Variants in ANKUB1 observed in about 807,000 individuals in gnomAD.
ANKUB1 encodes the protein ankyrin repeat and ubiquitin domain containing 1.
In ANKUB1, 42 loss-of-function variants were observed where a neutral mutation model predicts 49.3. The observed-to-expected ratio is 0.85, with a 90% CI of 0.67 to 1.10. The LOEUF is 1.10. ANKUB1 is among the 50% of genes least tolerant of loss of function. The pLI is 0.00. For missense variants in ANKUB1, 613 were observed against 642.0 expected (o/e 0.95, Z 0.49); for synonymous variants, 222 against 231.0 (o/e 0.96, Z 0.35).
At chr3:149,776,141 C>T (rs982463754) in intron 3 of ANKUB1, among the ~76,000 whole-genome samples, 11 of 152,166 alleles carry the variant, frequency 7.2e-5, no homozygotes, top group African/African-American at 2.7e-4. Context: ...CTAAGCCCAC[C>T]AAAGACCTTT....
intron 4 of ANKUB1, 145 bp from the exon 5 acceptor site, chr3:149,768,240 A>T (rs567080681): frequency 3.2e-6 from 2 of 618,104 alleles, no homozygotes; most frequent in Admixed American, 3.7e-5. Flanking sequence ...GAAAAGGCAT[A>T]TAGTGACATA....
Position 149,767,000 on chromosome 3 carries a change from T to C in ANKUB1, c.1505+157A>G, listed in dbSNP as rs1717055053. On this transcript the variant is annotated intron_variant, in intron 5 of 5. Coordinates refer to ENST00000446160, the MANE Select transcript of ANKUB1 (RefSeq NM_001144960.3). ...ATAATATTAATTCATTTTGTCCTAG[T>C]GATGAGGCTAAGATGAGGTCCTTGA... 8 of 994,818 alleles carry C rather than the reference T, an allele frequency of 8.0e-6. No homozygotes were observed. In the East Asian group the frequency reaches 1.3e-4, roughly 16 times the overall value. The allele number at this position is 994,818 out of a possible 1,614,324, so 61.6% of individuals were successfully genotyped here. A position where few individuals can be genotyped will look rare whatever the true frequency, so the allele number is the denominator to read the frequency against.
Position 149,767,561 on chromosome 3 carries a change from G to C in ANKUB1, c.1101C>G (p.Asn367Lys), listed in dbSNP as rs977953316. The C allele has an allele frequency of 2.6e-5, 40 of 1,551,568 alleles. No individual in the cohort carries two copies. The highest frequency in any genetic ancestry group is 7.8e-5 in the Admixed American group (4 of 50,990). ...TGAGCACGATGCTTTGTGAGTCGCT[G>C]TTCCCAGCCTTATGCCAGCTCTTGG... ...MTSKSWHKAGNSDSQSIVLKL... is the reference protein window; with the variant it reads ...MTSKSWHKAGKSDSQSIVLKL... The change falls in exon 5 of 6, where the codon AAC becomes AAG. Residue 367 changes from asparagine (N) to lysine (K), a missense_variant. Asn to Lys is a moderately conservative substitution (Grantham distance 94). Coordinates refer to ENST00000446160, the MANE Select transcript of ANKUB1 (RefSeq NM_001144960.3).
intron 5 of ANKUB1, chr3:149,766,817 A>AAGC (rs11268295): frequency 0.085 from 76,049 of 896,870 alleles, 9,544 homozygotes; most frequent in East Asian, 0.21. Context: ...GAAAAAAGAA[A>AAGC]AGCAGCAGCA....
chr3:149,780,102 A>T, intron 3 of ANKUB1, 137 bp downstream of exon 3: 1 of 727,352 alleles, frequency 1.4e-6, no homozygotes, highest in Non-Finnish European at 2.3e-6. Flanking sequence ...TAACTGTTTT[A>T]AAGTGAATAT....
At chr3:149,788,635 G>A (rs556343944) in intron 2 of ANKUB1, among the ~76,000 whole-genome samples, 11 of 152,230 alleles carry the variant, frequency 7.2e-5, no homozygotes, top group Middle Eastern at 3.4e-3. Context: ...AGAGTTCAGC[G>A]TGAAGCTTGC....
chr3:149,773,884 C>T (rs369005689), intron 3 of ANKUB1, among the ~76,000 whole-genome samples: 20 of 152,118 alleles, frequency 1.3e-4, no homozygotes, highest in African/African-American at 4.8e-4. Context: ...AAGATTTAGG[C>T]CAGGGTCCCA....
chr3:149,788,637 G>A (rs576032532), intron 2 of ANKUB1, among the ~76,000 whole-genome samples: 1 of 152,310 alleles, frequency 6.6e-6, no homozygotes, highest in African/African-American at 2.4e-5. Context: ...AGTTCAGCGT[G>A]AAGCTTGCAT....
At chr3:149,772,862 C>A (rs756157193) in intron 3 of ANKUB1, among the ~76,000 whole-genome samples, 1 of 152,098 alleles carries the variant, frequency 6.6e-6, no homozygotes, top group African/African-American at 2.4e-5. Context: ...CTGTGCACAC[C>A]AGGCTGTTTC....
chr3:149,781,086 A>G (rs1221553364), intron 2 of ANKUB1, among the ~76,000 whole-genome samples: 1 of 145,314 alleles, frequency 6.9e-6, no homozygotes, highest in Non-Finnish European at 1.5e-5. Context: ...TTGGCCTCCC[A>G]TAGTGTTGGG....
intron 3 of ANKUB1, chr3:149,778,345 G>A (rs1717696989): frequency 6.6e-6 from 1 of 152,062 alleles, no homozygotes; most frequent in South Asian, 2.1e-4. Flanking sequence ...TAAGGAGTAG[G>A]TATGTTGTCC....
intron 1 of ANKUB1, 131 bp downstream of exon 1, chr3:149,792,146 T>C: frequency 2.0e-6 from 1 of 510,572 alleles, no homozygotes; most frequent in Non-Finnish European, 3.2e-6. Context: ...AATAATAGTA[T>C]TTTCAAATAG....
intron 3 of ANKUB1, among the ~76,000 whole-genome samples, chr3:149,774,542 C>G (rs1052684948): frequency 3.9e-5 from 6 of 152,228 alleles, no homozygotes; most frequent in African/African-American, 1.4e-4. Context: ...CTCTCTAGCC[C>G]TCCTGCCTAC....
At chr3:149,789,638 T>TC in intron 2 of ANKUB1, among the ~76,000 whole-genome samples, 1 of 151,206 alleles carries the variant, frequency 6.6e-6, no homozygotes, top group Non-Finnish European at 1.5e-5. Flanking sequence ...TTCTTTTTTT[T>TC]TTTTTTTCCG....
At position 149,792,480 on chromosome 3, in the gene ANKUB1, T is replaced by C. The variant is rs113693447; in HGVS notation, c.-114A>G. On this transcript the variant is annotated 5_prime_UTR_variant, in exon 1 of 6. Transcript: ENST00000446160. ...CAAAAATGATAGCCAGAGGCAGCTG[T>C]CACTGTCTAGCCTCAAAGGTAAGTT... 2.2e-3 allele frequency: 1,578 copies of C among 719,906 alleles called. 22 individuals are homozygous for C. Among genetic ancestry groups the C allele is most frequent in the African/African-American group, 0.018 (963 of 54,954 alleles). 44.6% of individuals were successfully genotyped at this position (719,906 alleles called of 1,614,324 possible).
intron 5 of ANKUB1, among the ~76,000 whole-genome samples, chr3:149,764,187 G>A (rs4681189): frequency 0.34 from 51,940 of 152,012 alleles, 9,750 homozygotes; most frequent in Middle Eastern, 0.54. Flanking sequence ...GTCATTTAGA[G>A]GGGTGCTCAG....
intron 3 of ANKUB1, among the ~76,000 whole-genome samples, chr3:149,775,067 G>A (rs1006644488): frequency 1.3e-5 from 2 of 152,100 alleles, no homozygotes; most frequent in African/African-American, 4.8e-5. Flanking sequence ...TACAAAACCT[G>A]GATCTGTCCA....
rs1490694913 is a variant in ANKUB1 at position 149,790,839 on chromosome 3, C to T, written c.176G>A (p.Ser59Asn). The T allele has an allele frequency of 3.2e-6, 5 of 1,552,132 alleles. No homozygotes were observed. The highest frequency in any genetic ancestry group is 3.5e-6 in the Non-Finnish European group (4 of 1,147,064). Residue 59 changes from serine (S) to asparagine (N), a missense_variant, in exon 2 of 6, where the codon AGT (serine) becomes AAT (asparagine). Transcript: ENST00000446160. ...TATTCCAACATCAGCAAGACTCCAA[C>T]TGTCCTTTAGAGCAGCTCCAGCATA... ...LMYAGAALKD[S>N]WSLADVGISF...
At chr3:149,773,899 A>T (rs1373214424) in intron 3 of ANKUB1, among the ~76,000 whole-genome samples, 3 of 152,142 alleles carry the variant, frequency 2.0e-5, no homozygotes, top group African/African-American at 7.2e-5. Context: ...GTCCCAGTGC[A>T]GTGGCTCACA....
Sources: gnomAD v4.1 joint callset for allele counts (sites outside exome capture counted in the v4.1 genomes callset) on GRCh38, gnomAD v4.1.1 for gene constraint, MANE v1.5 for transcripts, NCBI Gene and HGNC (gene_info 2026-07-23, HGNC 2026-07-21) for gene names.